Variants in THAP8 observed in about 807,000 individuals in gnomAD.
THAP8 encodes the protein THAP domain-containing protein 8.
A neutral mutation model predicts 25.0 loss-of-function variants in THAP8; 24 were observed. The ratio of observed to expected loss-of-function variants is 0.96; its 90% CI spans 0.69 to 1.35. The LOEUF (loss-of-function observed/expected upper bound fraction) is 1.35. THAP8 is among the 40% of genes most tolerant of loss of function. The pLI, the probability that THAP8 is intolerant of heterozygous loss-of-function variation, is 0.00. For synonymous variants in THAP8, 169 were observed against 157.6 expected, an observed-to-expected ratio of 1.07 and a Z score of -0.54; for missense variants, 399 against 368.8, an observed-to-expected ratio of 1.08 and a Z score of -0.67.
chr19:36,040,321 A>T (rs1253846800), intron 1 of THAP8, among the ~76,000 whole-genome samples, 185 bp from the exon 2 acceptor site: 1 of 152,006 alleles, frequency 6.6e-6, no homozygotes, highest in Non-Finnish European at 1.5e-5. Context: ...TTTCAGCTTC[A>T]TCTTTTAGTA....
rs957715994 is a variant in THAP8 at position 36,039,547 on chromosome 19, G to C, written c.448C>G (p.Pro150Ala). 1 of 1,533,618 alleles carries C rather than the reference G, an allele frequency of 6.5e-7. No individual in the cohort carries two copies. The highest frequency in any genetic ancestry group is 1.4e-5 in the African/African-American group (1 of 72,820). The change falls in exon 3 of 4, where the codon CCC (proline) becomes GCC (alanine). Residue 150 changes from proline (P) to alanine (A), a missense_variant. Transcript: ENST00000292894. ...TCAGGAGTTGGCGCAGGGGCCAGGG[G>C]GGTCAGGAGCATGGTGGCCACAGTC... Reference protein sequence around the residue: ...PKTVATMLLTPLAPAPTPERS... With the variant: ...PKTVATMLLTALAPAPTPERS...
At chr19:36,036,839 G>A (rs1055310601) in intron 3 of THAP8, among the ~76,000 whole-genome samples, 1 of 151,612 alleles carries the variant, frequency 6.6e-6, no homozygotes, top group African/African-American at 2.4e-5. Flanking sequence ...TACTTGGGAG[G>A]CTGAGACAGG....
intron 2 of THAP8, 86 bp from the exon 3 acceptor site, chr19:36,039,804 G>A (rs1035596207): frequency 1.3e-6 from 2 of 1,508,970 alleles, no homozygotes; most frequent in South Asian, 1.3e-5. Flanking sequence ...TTCCAAGGGG[G>A]ACTTGCCTAG....
At chr19:36,051,930 T>C (rs751940677) in intron 1 of THAP8, among the ~76,000 whole-genome samples, 4 of 152,140 alleles carry the variant, frequency 2.6e-5, no homozygotes, top group Non-Finnish European at 4.4e-5. Flanking sequence ...GAGTTCCGCC[T>C]CCTGTCAGAG....
intron 1 of THAP8, among the ~76,000 whole-genome samples, chr19:36,042,449 G>C (rs1172307803): frequency 1.3e-5 from 2 of 152,126 alleles, no homozygotes; most frequent in Non-Finnish European, 2.9e-5. Flanking sequence ...CTGAGCAACA[G>C]GTGAAATCTT....
intron 1 of THAP8, among the ~76,000 whole-genome samples, chr19:36,046,586 G>A (rs1969888852): frequency 6.6e-6 from 1 of 152,122 alleles, no homozygotes; most frequent in Non-Finnish European, 1.5e-5. Context: ...AGAACCCCAG[G>A]GCACACAGCC....
chr19:36,041,909 T>A (rs1969705501), intron 1 of THAP8, among the ~76,000 whole-genome samples: 1 of 151,888 alleles, frequency 6.6e-6, no homozygotes, highest in Non-Finnish European at 1.5e-5. Flanking sequence ...AGCAAGACCT[T>A]GTCTCTACGA....
In THAP8 at chr19:36,045,327, G is replaced by A. The variant is rs941621325; in HGVS notation, c.84-5191C>T. Among the ~76,000 whole-genome samples the A allele has an allele frequency of 3.9e-5, 6 of 151,970 alleles. No homozygotes were observed. The East Asian group carries it at 1.2e-3, about 29-fold the overall frequency. ...TCTGTCACCCAGGTTGGAGTGCTGT[G>A]GTGTGATCTCGGCTCCCTGCAGCAT... On this transcript the variant is annotated intron_variant, in intron 1 of 3. Coordinates refer to ENST00000292894, the MANE Select transcript of THAP8 (RefSeq NM_152658.3).
rs192234072 is a variant in THAP8 at position 36,042,326 on chromosome 19, C to G, written c.84-2190G>C. On this transcript the variant is annotated intron_variant, in intron 1 of 3. Coordinates refer to ENST00000292894, the MANE Select transcript of THAP8 (RefSeq NM_152658.3). ...GGGTCTTGGAGAGATATTTGCACAC[C>G]TGCGTTCGTAGCAACATAAATCAGG... 5.9e-5 allele frequency among the ~76,000 whole-genome samples: 9 copies of G among 152,036 alleles called. No homozygotes were observed. In the East Asian group the frequency reaches 1.8e-3, roughly 30 times the overall value.
intron 1 of THAP8, 52 bp from the exon 2 acceptor site, chr19:36,040,188 C>G: frequency 6.6e-7 from 1 of 1,525,730 alleles, no homozygotes; most frequent in East Asian, 2.4e-5. Context: ...CAGACTTATC[C>G]CTCCCAGAGG....
intron 1 of THAP8, among the ~76,000 whole-genome samples, chr19:36,045,021 G>T (rs1447918590): frequency 6.6e-6 from 1 of 152,128 alleles, no homozygotes; most frequent in Non-Finnish European, 1.5e-5. Flanking sequence ...CATTGTGGTA[G>T]CCCCCAAAAG....
At chr19:36,053,619 G>A (rs1028896888) in intron 1 of THAP8, among the ~76,000 whole-genome samples, 2 of 150,230 alleles carry the variant, frequency 1.3e-5, no homozygotes, top group African/African-American at 4.9e-5. Flanking sequence ...ACTGGCTTAT[G>A]TCAGCCAGAT....
chr19:36,044,740 C>T (rs977047930), intron 1 of THAP8, among the ~76,000 whole-genome samples: 1 of 152,150 alleles, frequency 6.6e-6, no homozygotes, highest in African/African-American at 2.4e-5. Context: ...TGATCTCCCA[C>T]GTTGGCCTCC....
Position 36,054,232 on chromosome 19 carries a change from C to A in THAP8, c.-15G>T. ...TACTTGGGCATGGCTATCCAGCCCC[C>A]GCTGAGTTTTGCCGGGTCAGCGGCT... On this transcript the variant is annotated 5_prime_UTR_variant, in exon 1 of 4. Transcript: ENST00000292894. 6.2e-7 allele frequency: 1 copy of A among 1,612,036 alleles called. No homozygotes were observed.
chr19:36,042,587 C>T (rs1182077567), intron 1 of THAP8, among the ~76,000 whole-genome samples: 1 of 152,200 alleles, frequency 6.6e-6, no homozygotes, highest in African/African-American at 2.4e-5. Context: ...GCCATGATCA[C>T]ATTACTGCAC....
chr19:36,052,346 T>C (rs554306479), intron 1 of THAP8, among the ~76,000 whole-genome samples: 21 of 152,304 alleles, frequency 1.4e-4, no homozygotes, highest in African/African-American at 4.8e-4. Context: ...CCTGGCCAGT[T>C]GCCCGCTTTT....
chr19:36,043,897 T>A (rs902962639), intron 1 of THAP8, among the ~76,000 whole-genome samples: 3 of 151,860 alleles, frequency 2.0e-5, no homozygotes, highest in Admixed American at 1.3e-4. Context: ...CAAAAAAAAA[T>A]TTTTTTTGTT....
chr19:36,037,243 T>TACACACACAC lies in THAP8; in HGVS notation c.673-1661_673-1652dup, dbSNP rs67358015. ...AACACCCTTCCTCAACTTCCTCCCC[T>TACACACACAC]ACACACACACACACACACACACACA... On this transcript the variant is annotated intron_variant, in intron 3 of 3. Coordinates refer to ENST00000292894, the MANE Select transcript of THAP8 (RefSeq NM_152658.3). 8.8e-4 allele frequency among the ~76,000 whole-genome samples: 100 copies of TACACACACAC among 114,230 alleles called. 2 individuals carry two copies. Among genetic ancestry groups the TACACACACAC allele is most frequent in the South Asian group, 2.0e-3 (6 of 2,950 alleles). The allele number at this position is 114,230 out of a possible 152,430, so 74.9% of individuals were successfully genotyped here. A position where few individuals can be genotyped will look rare whatever the true frequency, so the allele number is the denominator to read the frequency against.
chr19:36,035,226 G>A lies in THAP8; in HGVS notation c.*214C>T, dbSNP rs2145420412. ...TCTGAGCCGGGGGTGGCAGAAGCCT[G>A]GTACCCAGGGGATTGGGGGCTGATG... On this transcript the variant is annotated 3_prime_UTR_variant, in exon 4 of 4. Coordinates refer to ENST00000292894, the MANE Select transcript of THAP8 (RefSeq NM_152658.3). The A allele has an allele frequency of 1.8e-6, 1 of 545,338 alleles. No individual in the cohort carries two copies. Among genetic ancestry groups the A allele is most frequent in the Non-Finnish European group, 3.1e-6 (1 of 318,664 alleles). 33.8% of individuals were successfully genotyped at this position (545,338 alleles called of 1,614,324 possible).
Sources: gnomAD v4.1 joint callset for allele counts (sites outside exome capture counted in the v4.1 genomes callset) on GRCh38, gnomAD v4.1.1 for gene constraint, MANE v1.5 for transcripts, NCBI Gene and HGNC (gene_info 2026-07-23, HGNC 2026-07-21) for gene names.